Variants in GNAQ observed in about 807,000 individuals in gnomAD.
The protein encoded by GNAQ is guanine nucleotide-binding protein G(q) subunit alpha.
GNAQ carries 8 observed loss-of-function variants against 43.9 expected under a neutral mutation model. The observed-to-expected ratio is 0.18, with a 90% CI of 0.11 to 0.33. The LOEUF is 0.33. Among genes scored for constraint, GNAQ ranks in the 10% least tolerant of loss-of-function variants. The pLI is 1.00. For synonymous variants in GNAQ, 155 were observed against 170.7 expected (o/e 0.91, Z 0.71); for missense variants, 158 against 450.8 (o/e 0.35, Z 5.88).
intron 5 of GNAQ, among the ~76,000 whole-genome samples, chr9:77,767,065 T>G (rs1299508498): frequency 6.6e-6 from 1 of 152,162 alleles, no homozygotes; most frequent in African/African-American, 2.4e-5. Flanking sequence ...ACGTTTAGTG[T>G]GTACTGGCAC....
chr9:77,723,233 T>C (rs1825346402), intron 6 of GNAQ, among the ~76,000 whole-genome samples: 1 of 152,196 alleles, frequency 6.6e-6, no homozygotes, highest in Non-Finnish European at 1.5e-5. Context: ...AGCATGGCTA[T>C]AAAATTAACA....
chr9:77,860,421 T>C (rs1827826056), intron 2 of GNAQ, among the ~76,000 whole-genome samples: 1 of 152,154 alleles, frequency 6.6e-6, no homozygotes, highest in South Asian at 2.1e-4. Context: ...CCAGGGGGTA[T>C]TCTGTTGCTA....
At chr9:77,752,334 T>C (rs941059740) in intron 5 of GNAQ, among the ~76,000 whole-genome samples, 1 of 152,194 alleles carries the variant, frequency 6.6e-6, no homozygotes, top group Admixed American at 6.5e-5. Context: ...TTTAGATCCT[T>C]ATTAGGAAGT....
chr9:77,947,514 G>A (rs1822919322), intron 1 of GNAQ, among the ~76,000 whole-genome samples: 1 of 152,184 alleles, frequency 6.6e-6, no homozygotes, highest in African/African-American at 2.4e-5. Flanking sequence ...GTGACACGAG[G>A]CTATCTGGGA....
At chr9:77,862,095 C>T (rs1240146619) in intron 2 of GNAQ, among the ~76,000 whole-genome samples, 1 of 151,778 alleles carries the variant, frequency 6.6e-6, no homozygotes, top group Non-Finnish European at 1.5e-5. Context: ...GCAGGGTATA[C>T]CCCTCTCCTG....
intron 1 of GNAQ, among the ~76,000 whole-genome samples, chr9:77,997,124 A>G (rs1328439347): frequency 6.6e-6 from 1 of 152,242 alleles, no homozygotes; most frequent in Non-Finnish European, 1.5e-5. Context: ...GTCAAGATTC[A>G]AACCCAGGCT....
chr9:77,748,602 T>C (rs890201786), intron 5 of GNAQ, among the ~76,000 whole-genome samples: 11 of 152,214 alleles, frequency 7.2e-5, no homozygotes, highest in African/African-American at 2.7e-4. Context: ...AAGTGGTATC[T>C]GTAATTCTAG....
chr9:77,883,121 T>C (rs1245301144), intron 2 of GNAQ, among the ~76,000 whole-genome samples: 1 of 152,306 alleles, frequency 6.6e-6, no homozygotes, highest in East Asian at 1.9e-4. Flanking sequence ...GGGAAAAACA[T>C]AGTCGCTGGA....
intron 1 of GNAQ, among the ~76,000 whole-genome samples, chr9:78,015,393 A>ATG (rs2118591138): frequency 6.6e-6 from 1 of 152,346 alleles, no homozygotes; most frequent in South Asian, 2.1e-4. Flanking sequence ...TAAGCAACAC[A>ATG]TAACTGTACT....
rs375733666 is a variant in GNAQ, at chr9:77,909,909, G to A, written c.321+12252C>T. Among the ~76,000 whole-genome samples, 14 of 152,108 alleles carry A rather than the reference G, an allele frequency of 9.2e-5. No individual in the cohort carries two copies. The South Asian group carries it at 2.9e-3, about 32-fold the overall frequency. ...AAAGTATCATAATATAACATGAAAT[G>A]ACACAAAAAGTCATTTTTTAAAGTG... On this transcript the variant is annotated intron_variant, in intron 2 of 6. Transcript: ENST00000286548.
intron 2 of GNAQ, among the ~76,000 whole-genome samples, chr9:77,843,903 A>G (rs1466633590): frequency 6.6e-6 from 1 of 152,178 alleles, no homozygotes; most frequent in East Asian, 1.9e-4. Context: ...TCTGTGGCTC[A>G]GAGGGTTGTG....
intron 2 of GNAQ, among the ~76,000 whole-genome samples, chr9:77,858,564 C>CGT (rs1227682073): frequency 1.3e-5 from 2 of 152,088 alleles, no homozygotes; most frequent in Non-Finnish European, 2.9e-5. Flanking sequence ...CAAAAGCCTA[C>CGT]GTGTGGCTTC....
chr9:77,888,210 AAAAT>A, intron 2 of GNAQ, among the ~76,000 whole-genome samples: 1 of 152,360 alleles, frequency 6.6e-6, no homozygotes, highest in South Asian at 2.1e-4. Flanking sequence ...ACATTAAAAT[AAAAT>A]AAATATAAAT....
At chr9:77,949,630 G>T (rs1398138608) in intron 1 of GNAQ, among the ~76,000 whole-genome samples, 1 of 152,138 alleles carries the variant, frequency 6.6e-6, no homozygotes, top group Non-Finnish European at 1.5e-5. Flanking sequence ...TGGAAAATTG[G>T]CATAGGTGAG....
At chr9:77,859,516 G>T (rs939728336) in intron 2 of GNAQ, among the ~76,000 whole-genome samples, 1 of 152,120 alleles carries the variant, frequency 6.6e-6, no homozygotes, top group African/African-American at 2.4e-5. Flanking sequence ...GATTTAAAAA[G>T]AATTATCTCC....
intron 1 of GNAQ, among the ~76,000 whole-genome samples, chr9:77,954,497 A>G (rs750142866): frequency 3.3e-5 from 5 of 152,202 alleles, no homozygotes; most frequent in Admixed American, 6.5e-5. Flanking sequence ...GAACGATACA[A>G]AGAGTCACGC....
rs1825271302 is a variant in GNAQ at position 77,719,167 on chromosome 9, A to C, written c.*2156T>G. 4.3e-6 allele frequency: 1 copy of C among 231,818 alleles called. No individual in the cohort carries two copies. The highest frequency in any genetic ancestry group is 5.6e-5 in the Admixed American group (1 of 17,742). 14.4% of individuals were successfully genotyped at this position (231,818 alleles called of 1,614,324 possible). A position where few individuals can be genotyped will look rare whatever the true frequency, so the allele number is the denominator to read the frequency against. On this transcript the variant is annotated 3_prime_UTR_variant, in exon 7 of 7. Transcript: ENST00000286548. ...TGGAAAGAAAATATCCCTAGTCAGA[A>C]ATAAACTGACAAATTTACATTCTCC...
chr9:77,933,379 C>A (rs999763652), intron 1 of GNAQ, among the ~76,000 whole-genome samples: 1 of 152,182 alleles, frequency 6.6e-6, no homozygotes, highest in Non-Finnish European at 1.5e-5. Flanking sequence ...AAAGTGGCAT[C>A]ATCTGGCCAG....
chr9:77,908,683 C>CA (rs1828751720), intron 2 of GNAQ, among the ~76,000 whole-genome samples: 1 of 152,136 alleles, frequency 6.6e-6, no homozygotes, highest in Non-Finnish European at 1.5e-5. Context: ...GTCTCATGGC[C>CA]AAAATCCTAT....
Sources: gnomAD v4.1 joint callset for allele counts (sites outside exome capture counted in the v4.1 genomes callset) on GRCh38, gnomAD v4.1.1 for gene constraint, MANE v1.5 for transcripts, NCBI Gene and HGNC (gene_info 2026-07-23, HGNC 2026-07-21) for gene names.